Variants in PPP1R37 observed in about 807,000 individuals in gnomAD.
The protein encoded by PPP1R37 is protein phosphatase 1 regulatory subunit 37.
In PPP1R37, 21 loss-of-function variants were observed where a neutral mutation model predicts 61.0. The ratio of observed to expected loss-of-function variants is 0.34; its 90% CI spans 0.24 to 0.50. The LOEUF (loss-of-function observed/expected upper bound fraction) is 0.50. Among genes scored for constraint, PPP1R37 ranks in the 20% least tolerant of loss-of-function variants. The pLI is 0.98. For missense variants in PPP1R37, 910 were observed against 952.7 expected, an observed-to-expected ratio of 0.96 and a Z score of 0.59; for synonymous variants, 443 against 433.5, an observed-to-expected ratio of 1.02 and a Z score of -0.27.
intron 1 of PPP1R37, 102 bp from the exon 2 acceptor site, chr19:45,138,412 A>T: frequency 1.3e-6 from 1 of 768,328 alleles, no homozygotes; most frequent in South Asian, 1.7e-5. Flanking sequence ...GGGAGGGCTG[A>T]AGAGGGCAGT....
chr19:45,116,391 GC>G (rs1246047836), intron 1 of PPP1R37, among the ~76,000 whole-genome samples: 1 of 152,202 alleles, frequency 6.6e-6, no homozygotes, highest in African/African-American at 2.4e-5. Context: ...TGTAAGCCTA[GC>G]CCGCCCCCTG....
chr19:45,127,891 C>T (rs1442702323), intron 1 of PPP1R37, among the ~76,000 whole-genome samples: 1 of 150,638 alleles, frequency 6.6e-6, no homozygotes, highest in African/African-American at 2.4e-5. Context: ...AGGAGAATCC[C>T]TTGAACCCGG....
At position 45,114,779 on chromosome 19, in the gene PPP1R37, C is replaced by G. The variant is rs879842434; in HGVS notation, c.202+21252C>G. Reference sequence around the variant, plus strand: ...CTGGGCAACAAGTGAGACCCCCCCCCCCATCTCCACAAAATATAAAAAATT... The same window carrying G: ...CTGGGCAACAAGTGAGACCCCCCCCGCCATCTCCACAAAATATAAAAAATT... On this transcript the variant is annotated intron_variant, in intron 1 of 12. Coordinates refer to ENST00000221462, the MANE Select transcript of PPP1R37 (RefSeq NM_019121.2). Among the ~76,000 whole-genome samples the G allele has an allele frequency of 4.3e-3, 661 of 152,092 alleles. 6 individuals carry two copies. Among genetic ancestry groups the G allele is most frequent in the African/African-American group, 0.015 (620 of 41,486 alleles).
At chr19:45,099,483 CG>C (rs1968034833) in intron 1 of PPP1R37, among the ~76,000 whole-genome samples, 1 of 152,208 alleles carries the variant, frequency 6.6e-6, no homozygotes, top group Non-Finnish European at 1.5e-5. Context: ...TCCTCTGGAG[CG>C]GGGGCTCCAC....
chr19:45,136,590 T>C (rs1489931367), intron 1 of PPP1R37, among the ~76,000 whole-genome samples: 1 of 152,052 alleles, frequency 6.6e-6, no homozygotes, highest in Non-Finnish European at 1.5e-5. Context: ...GTCAGACAGC[T>C]CCCTTTCTGT....
intron 1 of PPP1R37, among the ~76,000 whole-genome samples, chr19:45,101,883 C>A (rs560170744): frequency 6.6e-6 from 1 of 152,332 alleles, no homozygotes; most frequent in South Asian, 2.1e-4. Flanking sequence ...TGACACTTGA[C>A]TTCATTGACT....
chr19:45,104,886 A>C (rs1431308861), intron 1 of PPP1R37, among the ~76,000 whole-genome samples: 1 of 152,054 alleles, frequency 6.6e-6, no homozygotes, highest in Non-Finnish European at 1.5e-5. Flanking sequence ...CCACCTACGC[A>C]CACAGGTGGC....
chr19:45,118,810 A>G (rs1241200931), intron 1 of PPP1R37, among the ~76,000 whole-genome samples: 25 of 152,222 alleles, frequency 1.6e-4, no homozygotes. Flanking sequence ...GCCGGGCCCC[A>G]GGGAGCCACC....
At chr19:45,112,875 G>T (rs1333423761) in intron 1 of PPP1R37, among the ~76,000 whole-genome samples, 2 of 152,160 alleles carry the variant, frequency 1.3e-5, no homozygotes, top group Non-Finnish European at 2.9e-5. Context: ...TGAGGCAGTT[G>T]GGGTCAAGAG....
At chr19:45,108,722 A>T (rs936937036) in intron 1 of PPP1R37, 1 of 149,446 alleles carries the variant, frequency 6.7e-6, no homozygotes, top group African/African-American at 2.5e-5. Flanking sequence ...GGTCATCACA[A>T]CTTCCGCCTC....
intron 1 of PPP1R37, among the ~76,000 whole-genome samples, chr19:45,110,967 G>A (rs1968192539): frequency 6.6e-6 from 1 of 152,174 alleles, no homozygotes; most frequent in Non-Finnish European, 1.5e-5. Context: ...TGAGTGCTGG[G>A]CTTTCCTCAG....
chr19:45,141,394 C>T lies in PPP1R37; in HGVS notation c.520C>T (p.His174Tyr). ...CCACCTCAACATCTCCTTCAACAAG[C>T]ACATCGGCACCCGGGGCTGGCAGGC... The part of the protein sequence containing the change: ...ATHLNISFNK[H>Y]IGTRGWQAAA... Residue 174 changes from histidine (H) to tyrosine (Y), a missense_variant, in exon 5 of 13, where the codon CAC becomes TAC. Physicochemically the swap from His to Tyr is moderately conservative, Grantham distance 83. Around this residue, in one of 3 missense-constraint regions of PPP1R37, gnomAD observed 280 missense variants for 382.2 expected, o/e 0.73. Transcript: ENST00000221462. 1.3e-6 allele frequency: 2 copies of T among 1,536,068 alleles called. No individual in the cohort carries two copies. Among genetic ancestry groups the T allele is most frequent in the Non-Finnish European group, 1.7e-6 (2 of 1,146,852 alleles).
chr19:45,144,694 G>T (rs1026800108), intron 8 of PPP1R37, 160 bp from the exon 9 acceptor site: 16 of 622,122 alleles, frequency 2.6e-5, no homozygotes, highest in Non-Finnish European at 4.3e-5. Flanking sequence ...CTTCAGGCCA[G>T]GCCTGCGGCA....
At position 45,093,498 on chromosome 19, in the gene PPP1R37, C is replaced by T. The variant is rs902009680; in HGVS notation, c.173C>T (p.Ala58Val). The change falls in exon 1 of 13, where the codon GCA (alanine) becomes GTA (valine). Residue 58 changes from alanine (A) to valine (V), a missense_variant. Physicochemically the swap from Ala to Val is moderately conservative, Grantham distance 64. This residue lies in a region of PPP1R37 where 280 missense variants were observed against 382.2 expected (regional missense o/e 0.73). Transcript: ENST00000221462. ...TCCGACGAGGATATCGTGTCTGGAG[C>T]AGTGGAGCCCAAAGACCCCTGGAGA... ...FPSDEDIVSG[A>V]VEPKDPWRHA... 18 of 1,535,146 alleles carry T rather than the reference C, an allele frequency of 1.2e-5. No individual in the cohort carries two copies. The highest frequency in any genetic ancestry group is 5.9e-5 in the Admixed American group (3 of 50,944).
intron 1 of PPP1R37, among the ~76,000 whole-genome samples, chr19:45,107,495 C>T (rs1041583285): frequency 1.3e-5 from 2 of 152,016 alleles, no homozygotes; most frequent in Non-Finnish European, 2.9e-5. Flanking sequence ...TCCCAGCTAC[C>T]TGGGAGGCTA....
intron 1 of PPP1R37, among the ~76,000 whole-genome samples, chr19:45,125,767 C>A (rs1599702993): frequency 6.6e-6 from 1 of 152,198 alleles, no homozygotes; most frequent in East Asian, 1.9e-4. Context: ...GTGAAGAGGC[C>A]TATCCAGGCT....
chr19:45,146,494 C>A lies in PPP1R37; in HGVS notation c.*8+14C>A. On this transcript the variant is annotated intron_variant, in intron 12 of 12. Coordinates refer to ENST00000221462, the MANE Select transcript of PPP1R37 (RefSeq NM_019121.2). ...GTGACACTTTAGGTGAGGCCAGGCC[C>A]GGGGCCCACAGCACTCGGGAGGAGC... The A allele has an allele frequency of 6.6e-7, 1 of 1,519,492 alleles. No individual in the cohort carries two copies. Among genetic ancestry groups the A allele is most frequent in the Non-Finnish European group, 8.8e-7 (1 of 1,132,126 alleles). 94.1% of individuals were successfully genotyped at this position (1,519,492 alleles called of 1,614,324 possible).
chr19:45,093,360 C>A lies in PPP1R37; in HGVS notation c.35C>A (p.Pro12Gln). The A allele has an allele frequency of 6.6e-7, 1 of 1,507,688 alleles. No homozygotes were observed. The highest frequency in any genetic ancestry group is 1.2e-5 in the South Asian group (1 of 81,824). The allele number at this position is 1,507,688 out of a possible 1,614,324, so 93.4% of individuals were successfully genotyped here. A position where few individuals can be genotyped will look rare whatever the true frequency, so the allele number is the denominator to read the frequency against. The change falls in exon 1 of 13, where the codon CCG (proline) becomes CAG (glutamine). Residue 12 changes from proline (P) to glutamine (Q), a missense_variant. By Grantham distance (76) the Pro-to-Gln change is moderately conservative. Coordinates refer to ENST00000221462, the MANE Select transcript of PPP1R37 (RefSeq NM_019121.2). ...EIAPQEAPPV[P>Q]GADGDIEEAP... ...GCGCCGCAGGAGGCGCCGCCCGTGC[C>A]GGGCGCGGACGGCGACATTGAAGAG...
chr19:45,096,079 T>G (rs1967989695), intron 1 of PPP1R37, among the ~76,000 whole-genome samples: 2 of 152,072 alleles, frequency 1.3e-5, no homozygotes, highest in Admixed American at 1.3e-4. Flanking sequence ...AAGTCACATA[T>G]GGAAAGGAAT....
Sources: gnomAD v4.1 joint callset for allele counts (sites outside exome capture counted in the v4.1 genomes callset) on GRCh38, gnomAD v4.1.1 for gene constraint, gnomAD v4.1.1 regional missense constraint, MANE v1.5 for transcripts, NCBI Gene and HGNC (gene_info 2026-07-23, HGNC 2026-07-21) for gene names.